The following HS1BP3 variants were observed in gnomAD, a reference collection of about 807,000 sequenced individuals.
HS1BP3 encodes HCLS1 binding protein 3, also known as HCLS1-binding protein 3.
HS1BP3 carries 32 observed loss-of-function variants against 33.5 expected under a neutral mutation model. The ratio of observed to expected loss-of-function variants is 0.95; its 90% confidence interval spans 0.72 to 1.28. The LOEUF (loss-of-function observed/expected upper bound fraction) is 1.28, where lower values mean the gene tolerates loss of function less well. Among genes scored for constraint, HS1BP3 ranks in the 50% most tolerant of loss-of-function variants. The pLI, the probability that HS1BP3 is intolerant of heterozygous loss-of-function variation, is 0.00. For missense variants in HS1BP3, 486 were observed against 502.3 expected, an observed-to-expected ratio of 0.97 and a Z score of 0.31; for synonymous variants, 187 against 209.2, an observed-to-expected ratio of 0.89 and a Z score of 0.92.
intron 2 of HS1BP3, among the ~76,000 whole-genome samples, chr2:20,609,225 G>C (rs2149285509): frequency 6.6e-6 from 1 of 152,340 alleles, no homozygotes; most frequent in South Asian, 2.1e-4. Flanking sequence ...TGCTCTAATA[G>C]TGCCTGTGAG....
intron 2 of HS1BP3, among the ~76,000 whole-genome samples, chr2:20,605,571 G>A (rs1006807932): frequency 6.6e-6 from 1 of 152,070 alleles, no homozygotes; most frequent in East Asian, 1.9e-4. Context: ...CCCCCCAAAG[G>A]AAAACCTATA....
chr2:20,565,650 G>T (rs982834837), intron 5 of HS1BP3, among the ~76,000 whole-genome samples: 2 of 152,242 alleles, frequency 1.3e-5, no homozygotes, highest in African/African-American at 4.8e-5. Flanking sequence ...TGCAACTAGG[G>T]TACGTCTAAT....
downstream of HS1BP3, among the ~76,000 whole-genome samples, chr2:20,588,410 G>C (rs1050196464): frequency 6.6e-6 from 1 of 152,172 alleles, no homozygotes; most frequent in South Asian, 2.1e-4. Context: ...TTCGCCTCCT[G>C]GGTTCAAGCG....
At chr2:20,562,232 A>G (rs1693017504) in intron 5 of HS1BP3, among the ~76,000 whole-genome samples, 1 of 152,188 alleles carries the variant, frequency 6.6e-6, no homozygotes, top group South Asian at 2.1e-4. Flanking sequence ...TAACCCCAGT[A>G]CTTTGGGAGG....
At chr2:20,566,628 TG>T (rs1693135617) in intron 5 of HS1BP3, among the ~76,000 whole-genome samples, 1 of 150,074 alleles carries the variant, frequency 6.7e-6, no homozygotes, top group Non-Finnish European at 1.5e-5. Flanking sequence ...TTTTTTGAGA[TG>T]GAGTTTTGCT....
At chr2:20,625,935 C>T (rs1468116306) in intron 4 of HS1BP3, among the ~76,000 whole-genome samples, 1 of 152,104 alleles carries the variant, frequency 6.6e-6, no homozygotes, top group Admixed American at 6.5e-5. Flanking sequence ...GCATTCAATC[C>T]CTGCTGATGA....
At chr2:20,559,734 GGA>G (rs1452037821), downstream of HS1BP3, among the ~76,000 whole-genome samples, 107 of 149,140 alleles carry the variant, frequency 7.2e-4, no homozygotes, top group Non-Finnish European at 5.9e-4. Flanking sequence ...ATGGATGGAT[GGA>G]TGGATGGATG....
chr2:20,599,027 A>C (rs1254269186), intron 2 of HS1BP3, among the ~76,000 whole-genome samples: 1 of 152,150 alleles, frequency 6.6e-6, no homozygotes, highest in Non-Finnish European at 1.5e-5. Context: ...GAATGGGGTG[A>C]GGTCGGTGGA....
chr2:20,589,608 C>T (rs1353289399), downstream of HS1BP3, among the ~76,000 whole-genome samples: 2 of 152,198 alleles, frequency 1.3e-5, no homozygotes, highest in African/African-American at 4.8e-5. Flanking sequence ...AGCTTGTTAG[C>T]TCTAAGGTGT....
At chr2:20,622,517 C>T (rs78443016) in intron 6 of HS1BP3, 3,735 of 351,362 alleles carry the variant, frequency 0.011, 144 homozygotes, top group African/African-American at 0.074. Flanking sequence ...CCGCGCACTA[C>T]GAGCCCTGCT....
intron 2 of HS1BP3, among the ~76,000 whole-genome samples, chr2:20,604,137 G>T (rs1263258895): frequency 1.3e-5 from 2 of 152,232 alleles, no homozygotes; most frequent in African/African-American, 4.8e-5. Flanking sequence ...CAATTCATCA[G>T]ACCTTAAGGG....
At chr2:20,574,305 G>A (rs1404803794) in intron 5 of HS1BP3, among the ~76,000 whole-genome samples, 3 of 152,154 alleles carry the variant, frequency 2.0e-5, no homozygotes, top group African/African-American at 4.8e-5. Flanking sequence ...CTAGCAAGGC[G>A]CTCTGGAAAT....
downstream of HS1BP3, among the ~76,000 whole-genome samples, chr2:20,617,204 G>A (rs1030837000): frequency 2.6e-5 from 4 of 152,274 alleles, no homozygotes; most frequent in Non-Finnish European, 2.9e-5. Context: ...GCCACCTCTC[G>A]GAGGAAGACC....
At chr2:20,623,228 AG>A (rs1001411796) in intron 6 of HS1BP3, 1 of 152,346 alleles carries the variant, frequency 6.6e-6, no homozygotes, top group African/African-American at 2.4e-5. Context: ...GGGGCAGAGC[AG>A]GGGTCTTAGC....
Position 20,611,967 on chromosome 2 carries a change from C to G in HS1BP3, c.178+11929G>C, listed in dbSNP as rs1694327707. Among the ~76,000 whole-genome samples the G allele has an allele frequency of 6.6e-6, 1 of 152,222 alleles. No individual in the cohort carries two copies. The highest frequency in any genetic ancestry group is 2.4e-5 in the African/African-American group (1 of 41,458). ...CACTCTCAGATGAAGAGAGGGAGTA[C>G]TCAAACTCTAGGATTCCTCATAGCC... On this transcript the variant is annotated intron_variant, in intron 2 of 3. Transcript: ENST00000415264. The surrounding 1 kb of genome is among the most constrained non-coding windows in gnomAD (Gnocchi z 4.9).
At chr2:20,639,103 G>C (rs888668367) in intron 3 of HS1BP3, among the ~76,000 whole-genome samples, 1 of 152,270 alleles carries the variant, frequency 6.6e-6, no homozygotes, top group Non-Finnish European at 1.5e-5. Context: ...GCACGGCAAG[G>C]AACTCTGCAG....
rs73235072 is a variant in HS1BP3, at chr2:20,622,434, G to A, written c.920+1462C>T. 5.9e-3 allele frequency: 3,964 copies of A among 672,930 alleles called. 96 individuals carry two copies. The African/African-American group carries it at 0.064, about 11-fold the overall frequency. The allele number at this position is 672,930 out of a possible 1,614,324, so 41.7% of individuals were successfully genotyped here. A position where few individuals can be genotyped will look rare whatever the true frequency, so the allele number is the denominator to read the frequency against. ...AGCAGGGACTCCCCAAGCGCTCTGC[G>A]GGATGCTAAGGGGCACCACAGAGTG... On this transcript the variant is annotated intron_variant, in intron 6 of 6. Coordinates refer to ENST00000304031, the MANE Select transcript of HS1BP3 (RefSeq NM_022460.4).
At chr2:20,567,922 A>G (rs915547636) in intron 5 of HS1BP3, among the ~76,000 whole-genome samples, 1 of 152,086 alleles carries the variant, frequency 6.6e-6, no homozygotes, top group African/African-American at 2.4e-5. Context: ...CCGAGGGGGA[A>G]CTCAACGTCC....
Position 20,624,753 on chromosome 2 carries a change from C to A in HS1BP3, c.763G>T (p.Glu255Ter), listed in dbSNP as rs1480880004. ...GRKLSPQDPS[E>*]DVSSVDPLKL... Reference sequence around the variant, plus strand: ...TTACGGTCCACGGATGACACGTCCTCCGAGGGGTCCTGTGGAGACAGCTTC... The same window carrying A: ...TTACGGTCCACGGATGACACGTCCTACGAGGGGTCCTGTGGAGACAGCTTC... Residue 255 changes from glutamate to a stop codon, truncating the protein, a stop_gained, in exon 5 of 7, where the codon GAG becomes TAG. Transcript: ENST00000304031. LOFTEE classifies it high-confidence loss of function. 3.7e-6 allele frequency: 6 copies of A among 1,606,538 alleles called. No homozygotes were observed. The highest frequency in any genetic ancestry group is 5.1e-6 in the Non-Finnish European group (6 of 1,175,550).
Sources: allele counts gnomAD v4.1 joint callset (sites outside exome capture counted in the v4.1 genomes callset), GRCh38; gene constraint gnomAD v4.1.1; non-coding constraint Gnocchi (gnomAD v3.1); transcripts MANE v1.5; gene names NCBI Gene and HGNC (gene_info 2026-07-23, HGNC 2026-07-21).